The following SYK variants were observed in gnomAD, a reference collection of about 807,000 sequenced individuals.
SYK encodes the protein tyrosine-protein kinase SYK.
Under a neutral mutation model 77.8 loss-of-function variants are expected in SYK, and 16 were observed. The observed-to-expected ratio is 0.21, with a 90% CI of 0.14 to 0.31. The LOEUF (loss-of-function observed/expected upper bound fraction) is 0.31, where lower values mean the gene tolerates loss of function less well. Among genes scored for constraint, SYK ranks in the 10% least tolerant of loss-of-function variants. The pLI is 1.00. For synonymous variants in SYK, 312 were observed against 308.7 expected, an observed-to-expected ratio of 1.01 and a Z score of -0.11; for missense variants, 529 against 814.4, an observed-to-expected ratio of 0.65 and a Z score of 4.26.
At chr9:90,809,590 G>T (rs972246290) in intron 1 of SYK, among the ~76,000 whole-genome samples, 10 of 152,198 alleles carry the variant, frequency 6.6e-5, no homozygotes, top group Non-Finnish European at 1.3e-4. Context: ...TGTGGCTTTT[G>T]CATTGAGAAG....
At chr9:90,805,468 T>C (rs1824791189) in intron 1 of SYK, among the ~76,000 whole-genome samples, 1 of 152,146 alleles carries the variant, frequency 6.6e-6, no homozygotes, top group Admixed American at 6.5e-5. Flanking sequence ...TGAGGGAGGC[T>C]CTCGACCTGG....
intron 1 of SYK, among the ~76,000 whole-genome samples, chr9:90,835,488 T>A (rs142163790): frequency 9.2e-5 from 14 of 152,270 alleles, no homozygotes; most frequent in African/African-American, 3.4e-4. Context: ...AAGAATGCAT[T>A]GACTTGGAGT....
intron 1 of SYK, among the ~76,000 whole-genome samples, chr9:90,804,228 C>T (rs910704300): frequency 1.3e-5 from 2 of 152,084 alleles, no homozygotes; most frequent in Non-Finnish European, 2.9e-5. Context: ...TCAATCATAC[C>T]GATCAAAATA....
intron 3 of SYK, among the ~76,000 whole-genome samples, chr9:90,856,973 G>A (rs1250556575): frequency 6.6e-6 from 1 of 152,228 alleles, no homozygotes; most frequent in African/African-American, 2.4e-5. Flanking sequence ...CTGGGCTGCT[G>A]GCCTGAGATT....
At chr9:90,835,333 A>G (rs1204890556) in intron 1 of SYK, among the ~76,000 whole-genome samples, 1 of 152,248 alleles carries the variant, frequency 6.6e-6, no homozygotes, top group East Asian at 1.9e-4. Context: ...GGGGCCACCC[A>G]TAGCTGCATT....
intron 1 of SYK, among the ~76,000 whole-genome samples, chr9:90,837,676 A>G (rs529235192): frequency 1.6e-4 from 25 of 152,324 alleles, no homozygotes; most frequent in African/African-American, 5.8e-4. Flanking sequence ...GGGAATTGTC[A>G]GTAAGGAAAG....
In SYK at chr9:90,843,931, C is replaced by T. The variant is rs1010285262; in HGVS notation, c.33C>T (p.Asn11=). Residue 11 remains asparagine (N), a synonymous_variant, in exon 2 of 14, where the codon AAC becomes AAT. Transcript: ENST00000375754. ...GCAGCGGCATGGCTGACAGCGCCAACCACCTGCCCTTCTTTTTCGGCAACA... is the reference window on the plus strand; with the variant it reads ...GCAGCGGCATGGCTGACAGCGCCAATCACCTGCCCTTCTTTTTCGGCAACA... The part of the protein sequence containing the change: MASSGMADSA[N]HLPFFFGNIT... The T allele has an allele frequency of 2.6e-6, 4 of 1,563,746 alleles. No homozygotes were observed. The African/African-American group carries it at 5.4e-5, about 21-fold the overall frequency.
chr9:90,827,875 G>A (rs1486378455), intron 1 of SYK, among the ~76,000 whole-genome samples: 3 of 152,188 alleles, frequency 2.0e-5, no homozygotes, highest in African/African-American at 7.2e-5. Context: ...GTTTATGAAA[G>A]ACAATTATAA....
intron 11 of SYK, among the ~76,000 whole-genome samples, chr9:90,887,535 A>G (rs1333230574): frequency 6.6e-6 from 1 of 150,830 alleles, no homozygotes; most frequent in Non-Finnish European, 1.5e-5. Flanking sequence ...CCTCCCAAGT[A>G]GCTGGAATTA....
At chr9:90,820,911 C>G (rs1381246800) in intron 1 of SYK, among the ~76,000 whole-genome samples, 4 of 151,510 alleles carry the variant, frequency 2.6e-5, no homozygotes, top group Non-Finnish European at 5.9e-5. Flanking sequence ...CCCAAGTCAC[C>G]TCTTGAATGC....
At chr9:90,853,966 T>C (rs1826919685) in intron 3 of SYK, among the ~76,000 whole-genome samples, 1 of 152,220 alleles carries the variant, frequency 6.6e-6, no homozygotes, top group Admixed American at 6.5e-5. Context: ...AGGGCAGGCC[T>C]GGATGCCTGC....
At chr9:90,872,269 G>T (rs1827758769) in intron 7 of SYK, among the ~76,000 whole-genome samples, 1 of 152,184 alleles carries the variant, frequency 6.6e-6, no homozygotes, top group Non-Finnish European at 1.5e-5. Context: ...GGGACAGGAG[G>T]TCTTATGTCA....
intron 11 of SYK, among the ~76,000 whole-genome samples, chr9:90,883,430 C>G (rs943940159): frequency 2.0e-5 from 3 of 152,118 alleles, no homozygotes; most frequent in Non-Finnish European, 4.4e-5. Flanking sequence ...TCACATGCCA[C>G]AAAAACAAAT....
intron 1 of SYK, among the ~76,000 whole-genome samples, chr9:90,841,351 G>C (rs545883730): frequency 7.4e-4 from 63 of 84,984 alleles, no homozygotes; most frequent in Middle Eastern, 9.9e-3. Flanking sequence ...TATGTAGTTT[G>C]TGTATACTGT....
chr9:90,865,165 T>C lies in SYK; in HGVS notation c.846+68T>C, dbSNP rs1350843161. 2.0e-5 allele frequency: 30 copies of C among 1,480,750 alleles called. No homozygotes were observed. The South Asian group carries it at 2.8e-4, about 14-fold the overall frequency. The allele number at this position is 1,480,750 out of a possible 1,614,324, so 91.7% of individuals were successfully genotyped here. A position where few individuals can be genotyped will look rare whatever the true frequency, so the allele number is the denominator to read the frequency against. On this transcript the variant is annotated intron_variant, in intron 6 of 13. Coordinates refer to ENST00000375754, the MANE Select transcript of SYK (RefSeq NM_003177.7). ...TATTTCACAAATGAAAAGCATGTTT[T>C]AGCTAACAGGAGTAGTAGGCATTGA...
chr9:90,846,415 G>T (rs925430732), intron 3 of SYK, among the ~76,000 whole-genome samples: 1 of 152,182 alleles, frequency 6.6e-6, no homozygotes. Flanking sequence ...ATCCCCAGCC[G>T]ACTTCGTAAA....
chr9:90,878,690 C>T (rs183583359), intron 10 of SYK, 74 bp from the exon 11 acceptor site: 57 of 1,287,286 alleles, frequency 4.4e-5, no homozygotes, highest in African/African-American at 1.7e-4. Flanking sequence ...CCACTGCCTG[C>T]GTGAGGAGCA....
At chr9:90,862,556 T>A (rs1310575670) in intron 4 of SYK, among the ~76,000 whole-genome samples, 2 of 152,150 alleles carry the variant, frequency 1.3e-5, no homozygotes, top group Non-Finnish European at 2.9e-5. Context: ...ACTTTCAGCC[T>A]CCAGGTGGCT....
Position 90,878,816 on chromosome 9 carries a change from A to G in SYK, c.1444A>G (p.Met482Val), listed in dbSNP as rs200456955. ...IELVHQVSMG[M>V]KYLEESNFVH... ...ACTGGTTCATCAGGTTTCCATGGGCATGAAGTACTTGGAGGAGAGCAATTT... is the reference window on the plus strand; with the variant it reads ...ACTGGTTCATCAGGTTTCCATGGGCGTGAAGTACTTGGAGGAGAGCAATTT... Residue 482 changes from methionine (M) to valine (V), a missense_variant, in exon 11 of 14, where the codon ATG (methionine) becomes GTG (valine). Met to Val is a conservative substitution (Grantham distance 21, BLOSUM62 1). Coordinates refer to ENST00000375754, the MANE Select transcript of SYK (RefSeq NM_003177.7). 1 of 1,614,136 alleles carries G rather than the reference A, an allele frequency of 6.2e-7. No homozygotes were observed. The highest frequency in any genetic ancestry group is 8.5e-7 in the Non-Finnish European group (1 of 1,179,960).
Sources: allele counts gnomAD v4.1 joint callset (sites outside exome capture counted in the v4.1 genomes callset), GRCh38; gene constraint gnomAD v4.1.1; transcripts MANE v1.5; gene names NCBI Gene and HGNC (gene_info 2026-07-23, HGNC 2026-07-21).